Variants in PTPRR observed in about 807,000 individuals in gnomAD.
The protein encoded by PTPRR is protein tyrosine phosphatase receptor type R.
Under a neutral mutation model 77.2 loss-of-function variants are expected in PTPRR, and 38 were observed. That is an observed-to-expected ratio of 0.49 (90% confidence interval 0.38 to 0.65). The LOEUF is 0.65. Among genes scored for constraint, PTPRR ranks in the 30% least tolerant of loss-of-function variants. PTPRR has a pLI of 0.00. For synonymous variants in PTPRR, 299 were observed against 283.1 expected, an observed-to-expected ratio of 1.06 and a Z score of -0.57; for missense variants, 744 against 799.2, an observed-to-expected ratio of 0.93 and a Z score of 0.83.
intron 8 of PTPRR, among the ~76,000 whole-genome samples, chr12:70,686,390 A>G (rs1887871068): frequency 6.6e-6 from 1 of 152,230 alleles, no homozygotes; most frequent in Admixed American, 6.5e-5. Flanking sequence ...GGGGTTAAAG[A>G]TAATAAAGGC....
chr12:70,821,571 C>T lies in PTPRR; in HGVS notation c.358-56793G>A, dbSNP rs150876088. Among the ~76,000 whole-genome samples the T allele has an allele frequency of 7.9e-5, 12 of 151,658 alleles. No homozygotes were observed. The South Asian group carries it at 1.5e-3, about 19-fold the overall frequency. ...TGACCTCAGGCAGGAATAAGTTTGG[C>T]GTGCTTAAGAACTAGCAGAAAGGCT... is the stretch of plus-strand genomic sequence containing the variant. On this transcript the variant is annotated intron_variant, in intron 2 of 13. Transcript: ENST00000283228.
At chr12:70,672,099 T>C (rs2136698875) in intron 10 of PTPRR, 4 of 1,383,148 alleles carry the variant, frequency 2.9e-6, no homozygotes, top group East Asian at 2.3e-5. Context: ...TTTGACTCTA[T>C]GCTCCCCAAA....
At chr12:70,819,894 C>T (rs959884555) in intron 2 of PTPRR, among the ~76,000 whole-genome samples, 14 of 152,000 alleles carry the variant, frequency 9.2e-5, no homozygotes, top group African/African-American at 3.1e-4. Context: ...GTCTAAACTA[C>T]AGCTATGAAG....
At chr12:70,791,023 G>A (rs896717426) in intron 2 of PTPRR, among the ~76,000 whole-genome samples, 1 of 152,106 alleles carries the variant, frequency 6.6e-6, no homozygotes, top group African/African-American at 2.4e-5. Context: ...ATCTATCATG[G>A]ACCAAAGCCA....
In PTPRR at chr12:70,638,439, C is replaced by T. The variant is rs796590104; in HGVS notation, c.*745G>A. On this transcript the variant is annotated 3_prime_UTR_variant, in exon 14 of 14. Coordinates refer to ENST00000283228, the MANE Select transcript of PTPRR (RefSeq NM_002849.4). ...TTCCCTTTTAAAGTAAAATGACTCA[C>T]GATGTGGAAATACAGTGGATAGAGT... is the stretch of plus-strand genomic sequence containing the variant. 1.0e-4 allele frequency: 16 copies of T among 152,600 alleles called. No homozygotes were observed. The highest frequency in any genetic ancestry group is 2.9e-4 in the African/African-American group (12 of 41,530). The allele number at this position is 152,600 out of a possible 1,614,324, so 9.5% of individuals were successfully genotyped here.
At chr12:70,868,548 A>G (rs1565724201) in intron 2 of PTPRR, among the ~76,000 whole-genome samples, 1 of 152,080 alleles carries the variant, frequency 6.6e-6, no homozygotes, top group Non-Finnish European at 1.5e-5. Context: ...CAGGTGCTGG[A>G]GAGGATGTGG....
intron 2 of PTPRR, among the ~76,000 whole-genome samples, chr12:70,784,318 C>A (rs533784391): frequency 5.3e-5 from 8 of 152,354 alleles, no homozygotes. Flanking sequence ...TATCCCAGTT[C>A]CGCAGGCTCC....
chr12:70,893,186 A>G (rs1893368736), intron 1 of PTPRR, among the ~76,000 whole-genome samples: 1 of 151,920 alleles, frequency 6.6e-6, no homozygotes, highest in Non-Finnish European at 1.5e-5. Context: ...CTTTAGGTGG[A>G]TAAAAGTGGG....
rs79237590 is a variant in PTPRR at position 70,746,714 on chromosome 12, C to A, written c.739-628G>T. ...ATATTTATTTTATTTTATTTCGATA[C>A]AGGATCTGGCTCTGTTGCCCAAGCG... On this transcript the variant is annotated intron_variant, in intron 5 of 13. Transcript: ENST00000283228. Among the ~76,000 whole-genome samples the A allele has an allele frequency of 6.3e-4, 95 of 151,892 alleles. 2 individuals are homozygous for A. The East Asian group carries it at 0.013, about 21-fold the overall frequency.
intron 3 of PTPRR, among the ~76,000 whole-genome samples, chr12:70,764,380 A>G (rs904781465): frequency 6.6e-6 from 1 of 152,164 alleles, no homozygotes; most frequent in African/African-American, 2.4e-5. Flanking sequence ...GACTTGAACT[A>G]TGACAGAGTT....
chr12:70,854,221 C>T (rs1183203593), intron 2 of PTPRR, among the ~76,000 whole-genome samples: 1 of 152,146 alleles, frequency 6.6e-6, no homozygotes, highest in Non-Finnish European at 1.5e-5. Flanking sequence ...TTGGGAATCA[C>T]ATTCAACTTC....
chr12:70,714,374 C>T (rs952462654), intron 6 of PTPRR, among the ~76,000 whole-genome samples: 1 of 152,158 alleles, frequency 6.6e-6, no homozygotes, highest in Non-Finnish European at 1.5e-5. Context: ...TTTTCTGGCT[C>T]TGCTTCTCAC....
At chr12:70,862,284 G>A (rs1308004491) in intron 2 of PTPRR, among the ~76,000 whole-genome samples, 1 of 152,004 alleles carries the variant, frequency 6.6e-6, no homozygotes, top group Non-Finnish European at 1.5e-5. Flanking sequence ...ATACCATGAA[G>A]ATAAGGGTAC....
intron 2 of PTPRR, among the ~76,000 whole-genome samples, chr12:70,859,556 T>C (rs1325063531): frequency 6.6e-6 from 1 of 151,948 alleles, no homozygotes; most frequent in East Asian, 1.9e-4. Context: ...AGATTTATAA[T>C]GAATAGAATA....
chr12:70,757,081 G>T (rs576227296), intron 4 of PTPRR, among the ~76,000 whole-genome samples: 1 of 152,268 alleles, frequency 6.6e-6, no homozygotes, highest in Non-Finnish European at 1.5e-5. Flanking sequence ...TTGATTGTAT[G>T]TCTCCTCAGC....
intron 1 of PTPRR, among the ~76,000 whole-genome samples, chr12:70,905,868 T>C (rs1278897919): frequency 2.0e-5 from 3 of 151,972 alleles, no homozygotes; most frequent in Admixed American, 6.6e-5. Flanking sequence ...TACTGTGTAA[T>C]CATTTTTTGA....
intron 2 of PTPRR, among the ~76,000 whole-genome samples, chr12:70,794,684 T>G (rs975595325): frequency 9.2e-5 from 14 of 152,278 alleles, no homozygotes; most frequent in Admixed American, 6.5e-4. Flanking sequence ...AGCTGATCAA[T>G]ACACATGGGT....
At chr12:70,640,180 A>T (rs1885945484) in intron 13 of PTPRR, among the ~76,000 whole-genome samples, 1 of 151,880 alleles carries the variant, frequency 6.6e-6, no homozygotes, top group Non-Finnish European at 1.5e-5. Flanking sequence ...TCCTTTTTTA[A>T]TTTTAGTTTT....
At chr12:70,700,618 T>G (rs970186268) in intron 7 of PTPRR, among the ~76,000 whole-genome samples, 3 of 152,166 alleles carry the variant, frequency 2.0e-5, no homozygotes, top group Non-Finnish European at 4.4e-5. Context: ...ACTATATTAG[T>G]TTAGGCCACC....
Sources: gnomAD v4.1 joint callset for allele counts (sites outside exome capture counted in the v4.1 genomes callset) on GRCh38, gnomAD v4.1.1 for gene constraint, MANE v1.5 for transcripts, NCBI Gene and HGNC (gene_info 2026-07-23, HGNC 2026-07-21) for gene names.